CLIP2: variants seen among roughly 807,000 people sequenced by gnomAD.
The protein encoded by CLIP2 is CAP-Gly domain-containing linker protein 2.
Under a neutral mutation model 111.7 loss-of-function variants are expected in CLIP2, and 41 were observed. The ratio of observed to expected loss-of-function variants is 0.37; its 90% confidence interval spans 0.29 to 0.48. The LOEUF is 0.48. CLIP2 is among the 20% of genes least tolerant of loss of function. The probability of loss-of-function intolerance (pLI) is 0.99; values close to 1 mark genes in which losing one functional copy is unlikely to be tolerated. For missense variants in CLIP2, 1,160 were observed against 1,422.1 expected, an observed-to-expected ratio of 0.82 and a Z score of 2.96; for synonymous variants, 660 against 644.2, an observed-to-expected ratio of 1.02 and a Z score of -0.37.
At chr7:74,375,546 CAAAAAAAAAAA>C (rs34885959) in intron 9 of CLIP2, among the ~76,000 whole-genome samples, 5 of 33,182 alleles carry the variant, frequency 1.5e-4, no homozygotes, top group East Asian at 2.0e-3. Flanking sequence ...GAGCGAGACT[CAAAAAAAAAAA>C]AAAAAAAAAA....
At chr7:74,347,751 CTA>C (rs1486707998) in intron 3 of CLIP2, among the ~76,000 whole-genome samples, 10 of 152,104 alleles carry the variant, frequency 6.6e-5, no homozygotes, top group African/African-American at 1.4e-4. Context: ...GAATATGTGA[CTA>C]TGAATATTCA....
At chr7:74,300,208 A>C (rs1407169723) in intron 1 of CLIP2, among the ~76,000 whole-genome samples, 7 of 151,486 alleles carry the variant, frequency 4.6e-5, no homozygotes, top group African/African-American at 1.7e-4. Flanking sequence ...GCTGGTCTCG[A>C]ACTCCTGACC....
chr7:74,326,231 C>T lies in CLIP2; in HGVS notation c.121+8564C>T, dbSNP rs543839184. Among the ~76,000 whole-genome samples the T allele has an allele frequency of 5.3e-5, 8 of 152,280 alleles. No individual in the cohort carries two copies. In the South Asian group the frequency reaches 1.7e-3, roughly 32 times the overall value. ...CTCCAGCCTGGGCAACAAAGGAAGA[C>T]TCTGTCTCATAAAAATAAAGATGAG... On this transcript the variant is annotated intron_variant, in intron 2 of 16. Transcript: ENST00000223398.
At chr7:74,334,663 C>T (rs1438583948) in intron 2 of CLIP2, among the ~76,000 whole-genome samples, 1 of 152,086 alleles carries the variant, frequency 6.6e-6, no homozygotes, top group African/African-American at 2.4e-5. Context: ...ACCTGCCAGG[C>T]ACCCACTGTG....
At chr7:74,397,995 C>G (rs1791509536) in intron 14 of CLIP2, among the ~76,000 whole-genome samples, 1 of 149,540 alleles carries the variant, frequency 6.7e-6, no homozygotes, top group Non-Finnish European at 1.5e-5. Context: ...TGAATAGGAA[C>G]CTGACTTCAC....
chr7:74,403,161 G>A (rs752550809), intron 16 of CLIP2, among the ~76,000 whole-genome samples: 1 of 147,402 alleles, frequency 6.8e-6, no homozygotes, highest in Admixed American at 6.8e-5. Context: ...AGAGGTTGCA[G>A]TGAGCCAAGA....
chr7:74,358,398 T>C (rs1338915895), intron 6 of CLIP2, among the ~76,000 whole-genome samples: 3 of 151,798 alleles, frequency 2.0e-5, no homozygotes, highest in Non-Finnish European at 4.4e-5. Flanking sequence ...GATGGGGTCA[T>C]GCTGTGTTGG....
chr7:74,397,715 G>A (rs924171269), intron 14 of CLIP2, among the ~76,000 whole-genome samples: 13 of 146,254 alleles, frequency 8.9e-5, no homozygotes, highest in Non-Finnish European at 1.8e-4. Flanking sequence ...TGCCCAGGCT[G>A]GAGTGCAGTG....
chr7:74,390,225 GGATT>G (rs201524067), intron 13 of CLIP2, among the ~76,000 whole-genome samples: 6,488 of 54,476 alleles, frequency 0.12, 248 homozygotes, highest in Middle Eastern at 0.24. Flanking sequence ...AAGAAAGAAA[GGATT>G]AATGCCTCCC....
At chr7:74,305,891 A>C in intron 1 of CLIP2, among the ~76,000 whole-genome samples, 2 of 67,802 alleles carry the variant, frequency 2.9e-5, no homozygotes, top group African/African-American at 1.6e-4. Context: ...GTTCACCATC[A>C]TCCTCAGCTC....
At chr7:74,370,751 T>TG (rs1410402889) in intron 8 of CLIP2, among the ~76,000 whole-genome samples, 2 of 152,002 alleles carry the variant, frequency 1.3e-5, no homozygotes, top group Admixed American at 1.3e-4. Flanking sequence ...CTGAAACACT[T>TG]GCGCCTCTTC....
At chr7:74,388,992 A>T in intron 12 of CLIP2, 111 bp from the exon 13 acceptor site, 1 of 1,320,354 alleles carries the variant, frequency 7.6e-7, no homozygotes, top group South Asian at 1.5e-5. Context: ...GGGGTATGTC[A>T]CCTTCATCCC....
At chr7:74,301,652 A>G (rs1365892212) in intron 1 of CLIP2, among the ~76,000 whole-genome samples, 3 of 150,578 alleles carry the variant, frequency 2.0e-5, no homozygotes, top group Non-Finnish European at 3.0e-5. Flanking sequence ...TCCACCTCCC[A>G]AAGTGTTGGG....
intron 1 of CLIP2, among the ~76,000 whole-genome samples, chr7:74,310,452 C>T (rs560885189): frequency 2.0e-5 from 3 of 152,048 alleles, no homozygotes; most frequent in African/African-American, 7.2e-5. Flanking sequence ...AGCCCAGGAA[C>T]TTCCAGGCTG....
rs1489061174 is a variant in CLIP2, at chr7:74,317,378, C to T, written c.-67-102C>T. 17 of 773,768 alleles carry T rather than the reference C, an allele frequency of 2.2e-5. No homozygotes were observed. In the East Asian group the frequency reaches 3.3e-4, roughly 15 times the overall value. The allele number at this position is 773,768 out of a possible 1,614,324, so 47.9% of individuals were successfully genotyped here. Reference sequence around the variant, plus strand: ...TGATAGGTTAAATCGGGTGTTGCCTCGTCCAGCCCACCTCAGGAGGGATGT... The same window carrying T: ...TGATAGGTTAAATCGGGTGTTGCCTTGTCCAGCCCACCTCAGGAGGGATGT... On this transcript the variant is annotated intron_variant, in intron 1 of 16. Coordinates refer to ENST00000223398, the MANE Select transcript of CLIP2 (RefSeq NM_003388.5).
At chr7:74,359,651 G>A (rs1554309376) in intron 6 of CLIP2, among the ~76,000 whole-genome samples, 5 of 152,044 alleles carry the variant, frequency 3.3e-5, no homozygotes, top group Admixed American at 1.3e-4. Context: ...CACTGCACCC[G>A]GCCCATTTCA....
chr7:74,313,392 T>C (rs1554728764), intron 1 of CLIP2, among the ~76,000 whole-genome samples: 2 of 151,824 alleles, frequency 1.3e-5, no homozygotes, highest in African/African-American at 4.8e-5. Context: ...ACCCCGTCTC[T>C]ACTAAAAAAT....
intron 3 of CLIP2, among the ~76,000 whole-genome samples, chr7:74,348,512 G>A (rs1162167032): frequency 2.6e-5 from 4 of 151,694 alleles, no homozygotes; most frequent in Admixed American, 6.6e-5. Context: ...TGAGAGGGCC[G>A]GGTGCGGTGG....
chr7:74,339,465 C>G (rs1010352584), intron 3 of CLIP2, among the ~76,000 whole-genome samples: 5 of 151,800 alleles, frequency 3.3e-5, no homozygotes, highest in Non-Finnish European at 7.4e-5. Flanking sequence ...GCCACCACGC[C>G]CGGCTAATTT....
Sources: gnomAD v4.1 joint callset for allele counts (sites outside exome capture counted in the v4.1 genomes callset) on GRCh38, gnomAD v4.1.1 for gene constraint, MANE v1.5 for transcripts, NCBI Gene and HGNC (gene_info 2026-07-23, HGNC 2026-07-21) for gene names.